The following WWP2 variants were observed in gnomAD, a reference collection of about 807,000 sequenced individuals.
The protein encoded by WWP2 is WW domain containing E3 ubiquitin protein ligase 2, also known as NEDD4-like E3 ubiquitin-protein ligase WWP2.
Under a neutral mutation model 121.0 loss-of-function variants are expected in WWP2, and 57 were observed. The ratio of observed to expected loss-of-function variants is 0.47; its 90% CI spans 0.38 to 0.59. The LOEUF is 0.59. Ranked by LOEUF, WWP2 falls within the 20% of genes least tolerant of loss-of-function variation. WWP2 has a pLI of 0.00. For synonymous variants in WWP2, 449 were observed against 441.3 expected, an observed-to-expected ratio of 1.02 and a Z score of -0.22; for missense variants, 962 against 1,158.9, an observed-to-expected ratio of 0.83 and a Z score of 2.47.
At chr16:69,841,893 C>T (rs990780618) in intron 5 of WWP2, 131 bp from the exon 6 acceptor site, 6 of 797,656 alleles carry the variant, frequency 7.5e-6, no homozygotes, top group Middle Eastern at 3.6e-4. Flanking sequence ...TGCAGCTTGC[C>T]GGATGTCCAT....
chr16:69,931,445 C>T lies in WWP2; in HGVS notation c.1522-64C>T, dbSNP rs1193145280. The T allele has an allele frequency of 2.8e-5, 45 of 1,591,016 alleles. No individual in the cohort carries two copies. In the East Asian group the frequency reaches 9.6e-4, roughly 34 times the overall value. ...GCAGGCTGGGGAATGCCTGTTCATACAGACAGGAGAACAGATGACCACTTG... is the reference window on the plus strand; with the variant it reads ...GCAGGCTGGGGAATGCCTGTTCATATAGACAGGAGAACAGATGACCACTTG... On this transcript the variant is annotated intron_variant, in intron 14 of 23. Transcript: ENST00000359154.
intron 1 of WWP2, among the ~76,000 whole-genome samples, chr16:69,781,450 A>G (rs778264942): frequency 6.6e-6 from 1 of 152,034 alleles, no homozygotes; most frequent in Non-Finnish European, 1.5e-5. Context: ...GGCTCAAGGG[A>G]TCCTCCCAAC....
rs201303495 is a variant in WWP2 at position 69,912,300 on chromosome 16, AC to A, written c.1004+3451del. On this transcript the variant is annotated intron_variant, in intron 9 of 23. Coordinates refer to ENST00000359154, the MANE Select transcript of WWP2 (RefSeq NM_001270454.2). ...GAGCGAGACTCCATCTCAAAAAAAA[AC>A]AAAACAAAACCTCATTGGTTTTAGA... Among the ~76,000 whole-genome samples, 1,021 of 149,324 alleles carry A rather than the reference AC, an allele frequency of 6.8e-3. 41 individuals carry two copies. The highest frequency in any genetic ancestry group is 0.023 in the African/African-American group (920 of 40,656).
chr16:69,936,470 G>T lies in WWP2; in HGVS notation c.2117+18G>T. The T allele has an allele frequency of 3.7e-6, 6 of 1,613,618 alleles. No individual in the cohort carries two copies. Among genetic ancestry groups the T allele is most frequent in the Non-Finnish European group, 5.1e-6 (6 of 1,179,904 alleles). The stretch of plus-strand genomic sequence containing the variant: ...TACATCATGTGAGTCTCAGGCGCCG[G>T]GGGCTCCGCTCCAGGGGTGGCGTGG... On this transcript the variant is annotated intron_variant, in intron 19 of 23. Coordinates refer to ENST00000359154, the MANE Select transcript of WWP2 (RefSeq NM_001270454.2).
intron 4 of WWP2, among the ~76,000 whole-genome samples, chr16:69,836,234 A>G (rs1016539853): frequency 8.6e-5 from 13 of 152,016 alleles, no homozygotes; most frequent in Non-Finnish European, 1.6e-4. Flanking sequence ...TTTAGTCACA[A>G]TTCACGCATG....
At chr16:69,934,819 T>C (rs904041362) in intron 17 of WWP2, among the ~76,000 whole-genome samples, 4 of 151,968 alleles carry the variant, frequency 2.6e-5, no homozygotes, top group Non-Finnish European at 5.9e-5. Context: ...TATCTCCAGC[T>C]TTTTACATTT....
intron 7 of WWP2, among the ~76,000 whole-genome samples, chr16:69,881,067 C>T (rs2057819764): frequency 6.6e-6 from 1 of 152,128 alleles, no homozygotes; most frequent in African/African-American, 2.4e-5. Context: ...TCACCAACAT[C>T]ACAGAGGGAA....
At chr16:69,826,998 C>G (rs2151853353) in intron 4 of WWP2, among the ~76,000 whole-genome samples, 1 of 150,598 alleles carries the variant, frequency 6.6e-6, no homozygotes, top group South Asian at 2.1e-4. Context: ...GCACCAGTTA[C>G]CCAGCTTAAA....
At chr16:69,765,038 T>C (rs750769732) in intron 1 of WWP2, among the ~76,000 whole-genome samples, 9 of 151,970 alleles carry the variant, frequency 5.9e-5, no homozygotes, top group Non-Finnish European at 1.0e-4. Context: ...ACCCTGTCTC[T>C]ACAAAAAATA....
At chr16:69,848,216 T>C (rs1269360722) in intron 6 of WWP2, among the ~76,000 whole-genome samples, 7 of 152,126 alleles carry the variant, frequency 4.6e-5, no homozygotes, top group Non-Finnish European at 1.0e-4. Context: ...TTTGGGAGGC[T>C]GAGGTGAGTG....
chr16:69,788,381 C>T (rs2055837154), intron 2 of WWP2, among the ~76,000 whole-genome samples: 1 of 152,136 alleles, frequency 6.6e-6, no homozygotes, highest in African/African-American at 2.4e-5. Context: ...TTCAAGGGTG[C>T]TCCATTTCAC....
intron 8 of WWP2, among the ~76,000 whole-genome samples, chr16:69,904,391 T>G (rs1384906834): frequency 6.6e-6 from 1 of 151,938 alleles, no homozygotes; most frequent in East Asian, 1.9e-4. Context: ...TTTTTTTTTT[T>G]TGAGTTGGGG....
At chr16:69,881,389 C>CTAATAGT (rs2057827111) in intron 7 of WWP2, among the ~76,000 whole-genome samples, 1 of 152,174 alleles carries the variant, frequency 6.6e-6, no homozygotes, top group South Asian at 2.1e-4. Context: ...CTCATAAGGG[C>CTAATAGT]ATTGGGAGGA....
At chr16:69,852,566 G>A (rs998171246) in intron 6 of WWP2, among the ~76,000 whole-genome samples, 2 of 152,178 alleles carry the variant, frequency 1.3e-5, no homozygotes, top group East Asian at 3.8e-4. Flanking sequence ...GAGCTGCCTT[G>A]CCCGGCCTAT....
intron 9 of WWP2, chr16:69,909,088 G>A (rs892856198): frequency 2.3e-6 from 3 of 1,297,302 alleles, no homozygotes; most frequent in Middle Eastern, 3.0e-4. Context: ...GATTTAGAGT[G>A]TTGATGCATT....
At chr16:69,886,860 T>C (rs2057935545) in intron 7 of WWP2, among the ~76,000 whole-genome samples, 1 of 152,236 alleles carries the variant, frequency 6.6e-6, no homozygotes, top group Non-Finnish European at 1.5e-5. Context: ...ACGAAGAATC[T>C]GGATAGCCAC....
chr16:69,877,515 G>C (rs1171497428), intron 7 of WWP2, among the ~76,000 whole-genome samples: 1 of 152,176 alleles, frequency 6.6e-6, no homozygotes, highest in Non-Finnish European at 1.5e-5. Flanking sequence ...TCACTCAAGT[G>C]TTCATCAGAG....
chr16:69,888,765 C>T (rs977547266), intron 8 of WWP2, among the ~76,000 whole-genome samples: 1 of 151,736 alleles, frequency 6.6e-6, no homozygotes, highest in African/African-American at 2.4e-5. Flanking sequence ...AGTGCAATGG[C>T]ACGATCTCAG....
intron 6 of WWP2, among the ~76,000 whole-genome samples, chr16:69,857,243 G>A (rs1473831849): frequency 3.3e-5 from 5 of 151,784 alleles, no homozygotes; most frequent in Non-Finnish European, 5.9e-5. Context: ...AGCTGGGCGC[G>A]CTCCACCACG....
Sources: gnomAD v4.1 joint callset for allele counts (sites outside exome capture counted in the v4.1 genomes callset) on GRCh38, gnomAD v4.1.1 for gene constraint, MANE v1.5 for transcripts, NCBI Gene and HGNC (gene_info 2026-07-23, HGNC 2026-07-21) for gene names.